Variants in TMEM229B observed in about 807,000 individuals in gnomAD.
The protein encoded by TMEM229B is transmembrane protein 229B.
Under a neutral mutation model 13.7 loss-of-function variants are expected in TMEM229B, and 6 were observed. The observed-to-expected ratio is 0.44, with a 90% CI of 0.24 to 0.86. TMEM229B has a LOEUF of 0.86. TMEM229B is among the 40% of genes least tolerant of loss of function. TMEM229B has a pLI of 0.23. For missense variants in TMEM229B, 170 were observed against 236.0 expected, an observed-to-expected ratio of 0.72 and a Z score of 1.83; for synonymous variants, 107 against 102.1, an observed-to-expected ratio of 1.05 and a Z score of -0.29.
At chr14:67,519,867 C>A (rs1374571698), upstream of TMEM229B, among the ~76,000 whole-genome samples, 1 of 152,122 alleles carries the variant, frequency 6.6e-6, no homozygotes, top group Non-Finnish European at 1.5e-5. Context: ...GGACTACAGG[C>A]GTACGCCACC....
At chr14:67,482,847 G>C (rs1273522188) in intron 2 of TMEM229B, among the ~76,000 whole-genome samples, 4 of 152,192 alleles carry the variant, frequency 2.6e-5, no homozygotes, top group Admixed American at 1.3e-4. Context: ...CCTGGGATTA[G>C]TGATACTGCA....
intron 1 of TMEM229B, among the ~76,000 whole-genome samples, chr14:67,500,397 C>A (rs2140189443): frequency 6.6e-6 from 1 of 151,944 alleles, no homozygotes; most frequent in South Asian, 2.1e-4. Context: ...TCTCTTGAAC[C>A]CGAGAGGCAG....
At chr14:67,491,026 C>G (rs1047601070), upstream of TMEM229B, among the ~76,000 whole-genome samples, 7 of 152,160 alleles carry the variant, frequency 4.6e-5, no homozygotes, top group African/African-American at 1.7e-4. Flanking sequence ...TCTGAGGGCT[C>G]AGTCCCACAA....
At chr14:67,474,071 G>A (rs962542426) in intron 2 of TMEM229B, 130 bp from the exon 3 acceptor site, 14 of 999,860 alleles carry the variant, frequency 1.4e-5, no homozygotes, top group Non-Finnish European at 2.0e-5. Flanking sequence ...GGCCATCATG[G>A]TGAAACCCCG....
At chr14:67,495,810 C>A (rs1003933534) in intron 1 of TMEM229B, among the ~76,000 whole-genome samples, 4 of 152,164 alleles carry the variant, frequency 2.6e-5, no homozygotes, top group Non-Finnish European at 5.9e-5. Context: ...TATTTTATTT[C>A]CCCTAAAGTT....
chr14:67,509,163 C>T (rs111484537), intron 1 of TMEM229B, among the ~76,000 whole-genome samples: 95 of 152,258 alleles, frequency 6.2e-4, no homozygotes, highest in African/African-American at 1.6e-3. Flanking sequence ...AAGCAGAAAG[C>T]GTGTTCCCTT....
chr14:67,479,059 CT>C (rs887038118), intron 2 of TMEM229B, among the ~76,000 whole-genome samples: 4 of 152,052 alleles, frequency 2.6e-5, no homozygotes, highest in African/African-American at 7.2e-5. Context: ...TTTCTGCATA[CT>C]TTTTTTTCCT....
chr14:67,509,322 C>A lies in TMEM229B; in HGVS notation c.-192+5764G>T, dbSNP rs538388545. 1.5e-4 allele frequency among the ~76,000 whole-genome samples: 13 copies of A among 88,820 alleles called. No homozygotes were observed. In the South Asian group the frequency reaches 5.2e-3, roughly 35 times the overall value. The allele number at this position is 88,820 out of a possible 152,430, so 58.3% of individuals were successfully genotyped here. ...GTTGTGTTTAATCCACATCAACTCT[C>A]TCTTTTTTTTTTTGAGACGGAGTTT... On this transcript the variant is annotated intron_variant, in intron 1 of 2. Coordinates refer to the TMEM229B transcript ENST00000357461.
At chr14:67,481,151 G>T (rs1460708675) in intron 2 of TMEM229B, among the ~76,000 whole-genome samples, 1 of 152,154 alleles carries the variant, frequency 6.6e-6, no homozygotes, top group South Asian at 2.1e-4. Flanking sequence ...AAGTAGGCTG[G>T]TTTGATGTGG....
At chr14:67,521,895 A>G (rs4899206) in intron 1 of TMEM229B, among the ~76,000 whole-genome samples, 61,942 of 152,110 alleles carry the variant, frequency 0.41, 13,609 homozygotes, top group East Asian at 0.51. Context: ...TTGGGGATTA[A>G]GCCGGGCACG....
chr14:67,522,189 A>AT (rs764419642), intron 1 of TMEM229B, among the ~76,000 whole-genome samples: 6 of 152,206 alleles, frequency 3.9e-5, no homozygotes, highest in Non-Finnish European at 8.8e-5. Flanking sequence ...AAACAAAAAA[A>AT]GAAAAAAAGG....
At chr14:67,490,204 G>A (rs1363342196), upstream of TMEM229B, among the ~76,000 whole-genome samples, 3 of 152,318 alleles carry the variant, frequency 2.0e-5, no homozygotes, top group African/African-American at 7.2e-5. Context: ...CATCACAGAT[G>A]AGCCATACAT....
In TMEM229B at chr14:67,471,469, C is replaced by G. The variant is rs2030715930; in HGVS notation, c.*1951G>C. On this transcript the variant is annotated 3_prime_UTR_variant, in exon 3 of 3. Transcript: ENST00000554480. ...GGGGAAGCCAGACAATATTCTCCTCCTGGAATTTTCTCCACCTATAGATGG... is the reference window on the plus strand; with the variant it reads ...GGGGAAGCCAGACAATATTCTCCTCGTGGAATTTTCTCCACCTATAGATGG... 3 of 152,134 alleles carry G rather than the reference C, an allele frequency of 2.0e-5. No individual in the cohort carries two copies. The South Asian group carries it at 6.2e-4, about 31-fold the overall frequency. The allele number at this position is 152,134 out of a possible 1,614,324, so 9.4% of individuals were successfully genotyped here.
chr14:67,508,571 C>G (rs1427788553), intron 1 of TMEM229B, among the ~76,000 whole-genome samples: 1 of 151,698 alleles, frequency 6.6e-6, no homozygotes, highest in Non-Finnish European at 1.5e-5. Context: ...CCTCATTCCT[C>G]TTCCATGAAT....
chr14:67,529,117 C>T (rs530421366), intron 1 of TMEM229B, among the ~76,000 whole-genome samples: 1 of 152,254 alleles, frequency 6.6e-6, no homozygotes, highest in South Asian at 2.1e-4. Context: ...CAATAATATG[C>T]CAGGCACTGA....
At chr14:67,496,599 C>T (rs1276368908) in intron 1 of TMEM229B, among the ~76,000 whole-genome samples, 1 of 150,814 alleles carries the variant, frequency 6.6e-6, no homozygotes, top group Non-Finnish European at 1.5e-5. Flanking sequence ...GGTGTCCTCC[C>T]TCTCCCTCCC....
intron 1 of TMEM229B, among the ~76,000 whole-genome samples, chr14:67,499,933 G>A (rs924002369): frequency 6.6e-6 from 1 of 152,162 alleles, no homozygotes; most frequent in African/African-American, 2.4e-5. Flanking sequence ...GATTAAGGAG[G>A]GGAGTGGTCT....
At chr14:67,504,362 A>G (rs2032738890) in intron 1 of TMEM229B, among the ~76,000 whole-genome samples, 1 of 152,196 alleles carries the variant, frequency 6.6e-6, no homozygotes, top group Non-Finnish European at 1.5e-5. Flanking sequence ...CCTCATGAGG[A>G]TTAAGTGAGA....
upstream of TMEM229B, among the ~76,000 whole-genome samples, chr14:67,518,165 C>T (rs1297544666): frequency 1.3e-5 from 2 of 152,194 alleles, no homozygotes; most frequent in Admixed American, 6.5e-5. Flanking sequence ...CACTAACACA[C>T]ACCAAAGGAT....
Sources: gnomAD v4.1 joint callset for allele counts (sites outside exome capture counted in the v4.1 genomes callset) on GRCh38, gnomAD v4.1.1 for gene constraint, MANE v1.5 for transcripts, NCBI Gene and HGNC (gene_info 2026-07-23, HGNC 2026-07-21) for gene names.